The following LAMA2 variants were observed in gnomAD, a reference collection of about 807,000 sequenced individuals.
LAMA2 encodes laminin subunit alpha-2.
A neutral mutation model predicts 364.8 loss-of-function variants in LAMA2; 269 were observed. The ratio of observed to expected loss-of-function variants is 0.74; its 90% CI spans 0.67 to 0.82. The LOEUF is 0.82. LAMA2 is among the 40% of genes least tolerant of loss of function. The probability of loss-of-function intolerance (pLI) is 0.00; values close to 1 mark genes in which losing one functional copy is unlikely to be tolerated. For missense variants in LAMA2, 3,807 were observed against 3,873.2 expected (o/e 0.98, Z 0.45); for synonymous variants, 1,379 against 1,370.6 (o/e 1.01, Z -0.14).
intron 62 of LAMA2, among the ~76,000 whole-genome samples, chr6:129,508,494 C>G (rs1323714191): frequency 6.6e-6 from 1 of 151,798 alleles, no homozygotes; most frequent in African/African-American, 2.4e-5. Flanking sequence ...GTATCATTAA[C>G]CATCCCTACT....
intron 45 of LAMA2, among the ~76,000 whole-genome samples, chr6:129,448,794 A>G (rs1024146125): frequency 2.6e-5 from 4 of 152,216 alleles, no homozygotes; most frequent in African/African-American, 9.6e-5. Context: ...ATGTCTTACT[A>G]AGGATCTGCA....
intron 1 of LAMA2, among the ~76,000 whole-genome samples, chr6:128,958,634 G>A (rs560763716): frequency 6.6e-6 from 1 of 152,150 alleles, no homozygotes; most frequent in East Asian, 1.9e-4. Flanking sequence ...ATGTGCTCTG[G>A]TTTTAATCAT....
intron 12 of LAMA2, among the ~76,000 whole-genome samples, chr6:129,244,496 T>A (rs1276622973): frequency 2.0e-5 from 3 of 152,098 alleles, no homozygotes; most frequent in Non-Finnish European, 1.5e-5. Flanking sequence ...TTATAAAGCC[T>A]TTTTCTCATT....
At position 129,507,550 on chromosome 6, in the gene LAMA2, T is replaced by C. The variant is rs1213508155; in HGVS notation, c.8765T>C (p.Leu2922Pro). 8.1e-6 allele frequency: 13 copies of C among 1,614,078 alleles called. No individual in the cohort carries two copies. The highest frequency in any genetic ancestry group is 1.1e-5 in the Non-Finnish European group (13 of 1,179,998). The stretch of plus-strand genomic sequence containing the variant: ...CACATGGCAGAGGCCCCTGCCGATC[T>C]GGAACAACCCACCTCCAGCTTCCAT... ...NLHMAEAPAD[L>P]EQPTSSFHVG... The change falls in exon 62 of 65, where the codon CTG (leucine) becomes CCG (proline). Residue 2922 changes from leucine to proline, a missense_variant. This residue lies in a region of LAMA2 where 3,333 missense variants were observed against 3,345.7 expected (regional missense o/e 1.00). Transcript: ENST00000421865.
At chr6:129,191,575 T>G (rs1360875765) in intron 11 of LAMA2, among the ~76,000 whole-genome samples, 1 of 152,216 alleles carries the variant, frequency 6.6e-6, no homozygotes, top group African/African-American at 2.4e-5. Flanking sequence ...CCCATTCAAC[T>G]GTCTTACAAT....
intron 49 of LAMA2, among the ~76,000 whole-genome samples, chr6:129,463,384 T>C (rs1281340485): frequency 6.6e-6 from 1 of 151,900 alleles, no homozygotes; most frequent in East Asian, 1.9e-4. Context: ...AGTCACCAAT[T>C]CAAAGCCAGA....
intron 41 of LAMA2, among the ~76,000 whole-genome samples, chr6:129,433,295 C>T (rs972051080): frequency 5.9e-5 from 9 of 152,264 alleles, no homozygotes; most frequent in African/African-American, 2.2e-4. Flanking sequence ...CTTATCAAAT[C>T]AATTTGCTGG....
chr6:129,389,071 A>C (rs759495906), intron 35 of LAMA2, among the ~76,000 whole-genome samples: 2 of 152,178 alleles, frequency 1.3e-5, no homozygotes, highest in Non-Finnish European at 2.9e-5. Flanking sequence ...GATGTATCTT[A>C]CTGACAATAG....
intron 58 of LAMA2, among the ~76,000 whole-genome samples, chr6:129,497,072 G>C (rs1205334098): frequency 6.6e-6 from 1 of 151,840 alleles, no homozygotes; most frequent in Non-Finnish European, 1.5e-5. Context: ...TTTTAGGGTG[G>C]GTGGCAGGTG....
intron 64 of LAMA2, among the ~76,000 whole-genome samples, chr6:129,515,864 G>A (rs925778508): frequency 6.6e-6 from 1 of 152,148 alleles, no homozygotes; most frequent in Non-Finnish European, 1.5e-5. Context: ...TAGATGGGGA[G>A]ATCTCTTGAG....
At chr6:129,406,794 G>T (rs1006347219) in intron 40 of LAMA2, among the ~76,000 whole-genome samples, 1 of 152,096 alleles carries the variant, frequency 6.6e-6, no homozygotes, top group Non-Finnish European at 1.5e-5. Flanking sequence ...GTTTACTAAG[G>T]AATATTGACC....
intron 4 of LAMA2, among the ~76,000 whole-genome samples, chr6:129,134,558 G>C (rs1198833311): frequency 1.3e-5 from 2 of 152,152 alleles, no homozygotes; most frequent in African/African-American, 4.8e-5. Flanking sequence ...TGACAGGGGG[G>C]ATGGGGAGTG....
chr6:129,071,225 TATC>T (rs1016946153), intron 3 of LAMA2, among the ~76,000 whole-genome samples: 2 of 152,234 alleles, frequency 1.3e-5, no homozygotes, highest in African/African-American at 4.8e-5. Context: ...TTAGTGATAT[TATC>T]ATCTTTTAAT....
At chr6:129,024,064 A>G (rs1295315902) in intron 1 of LAMA2, among the ~76,000 whole-genome samples, 1 of 152,140 alleles carries the variant, frequency 6.6e-6, no homozygotes, top group Admixed American at 6.5e-5. Flanking sequence ...TTGAAAGGAT[A>G]TTTTAGCAGC....
At chr6:129,064,814 A>C (rs542274234) in intron 3 of LAMA2, among the ~76,000 whole-genome samples, 1 of 152,340 alleles carries the variant, frequency 6.6e-6, no homozygotes, top group South Asian at 2.1e-4. Context: ...TGATGGTTTT[A>C]CTGCTGAATT....
In LAMA2 at chr6:129,143,949, C is replaced by A. The variant is rs779421508; in HGVS notation, c.688C>A (p.Pro230Thr). ...GAGACCAAGTGCCGATGATCCTTCT[C>A]CAGAACTGCTAGAATTTACCTCCGC... The part of the protein sequence containing the change: ...NGRPSADDPS[P>T]ELLEFTSARY... The change falls in exon 5 of 65, where the codon CCA becomes ACA. Residue 230 changes from proline (P) to threonine (T), a missense_variant. Pro to Thr is a conservative substitution (Grantham distance 38). This residue lies in a region of LAMA2 where 394 missense variants were observed against 403.5 expected (regional missense o/e 0.98). Coordinates refer to ENST00000421865, the MANE Select transcript of LAMA2 (RefSeq NM_000426.4). 2 of 1,611,674 alleles carry A rather than the reference C, an allele frequency of 1.2e-6. No homozygotes were observed. The highest frequency in any genetic ancestry group is 2.2e-5 in the South Asian group (2 of 91,022).
At chr6:129,200,179 T>TAC in intron 12 of LAMA2, among the ~76,000 whole-genome samples, 1 of 148,894 alleles carries the variant, frequency 6.7e-6, no homozygotes, top group East Asian at 2.0e-4. Flanking sequence ...TGTACACATA[T>TAC]ACATGTGTAT....
chr6:128,928,132 A>G (rs1249107106), intron 1 of LAMA2, among the ~76,000 whole-genome samples: 2 of 152,218 alleles, frequency 1.3e-5, no homozygotes, highest in Admixed American at 1.3e-4. Context: ...CAAGAGAGAC[A>G]TGCTTCTAAG....
In LAMA2 at chr6:129,200,214, GTA is replaced by G. The variant is rs766032260; in HGVS notation, c.1782+7370_1782+7371del. ...TATATACATGTACACATATACATGT[GTA>G]TATATATACGTGTACACATATACAT... On this transcript the variant is annotated intron_variant, in intron 12 of 64. Transcript: ENST00000421865. 6.8e-4 allele frequency among the ~76,000 whole-genome samples: 89 copies of G among 131,654 alleles called. 3 individuals are homozygous for G. The highest frequency in any genetic ancestry group is 4.3e-3 in the South Asian group (17 of 3,978). The allele number at this position is 131,654 out of a possible 152,430, so 86.4% of individuals were successfully genotyped here.
Sources: gnomAD v4.1 joint callset for allele counts (sites outside exome capture counted in the v4.1 genomes callset) on GRCh38, gnomAD v4.1.1 for gene constraint, gnomAD v4.1.1 regional missense constraint, MANE v1.5 for transcripts, NCBI Gene and HGNC (gene_info 2026-07-23, HGNC 2026-07-21) for gene names.